LETMD1: variants seen among roughly 807,000 people sequenced by gnomAD.
The protein encoded by LETMD1 is LETM1 domain containing 1.
A neutral mutation model predicts 43.9 loss-of-function variants in LETMD1; 30 were observed. The observed-to-expected ratio is 0.68, with a 90% CI of 0.51 to 0.93. The LOEUF is 0.93. Ranked by LOEUF, LETMD1 falls within the 40% of genes least tolerant of loss-of-function variation. The pLI, the probability that LETMD1 is intolerant of heterozygous loss-of-function variation, is 0.00. For synonymous variants in LETMD1, 176 were observed against 163.1 expected, an observed-to-expected ratio of 1.08 and a Z score of -0.60; for missense variants, 413 against 447.7, an observed-to-expected ratio of 0.92 and a Z score of 0.70.
downstream of LETMD1, chr12:51,062,000 G>A (rs1948845952): frequency 1.3e-5 from 2 of 152,146 alleles, no homozygotes; most frequent in Admixed American, 6.6e-5. Flanking sequence ...GTGAGGCTAG[G>A]GGATGGGGAG....
chr12:51,057,171 G>T (rs1230385759), intron 7 of LETMD1, among the ~76,000 whole-genome samples: 1 of 152,106 alleles, frequency 6.6e-6, no homozygotes, highest in African/African-American at 2.4e-5. Context: ...CCAGGAGGTG[G>T]ATTGCAGTGA....
At chr12:51,048,866 T>C in intron 1 of LETMD1, 168 bp from the exon 2 acceptor site, 2 of 671,000 alleles carry the variant, frequency 3.0e-6, no homozygotes, top group South Asian at 4.1e-5. Flanking sequence ...GATTTGTGTT[T>C]CACAGTCTGA....
intron 1 of LETMD1, 94 bp downstream of exon 1, chr12:51,048,572 C>A: frequency 1.3e-6 from 2 of 1,489,526 alleles, no homozygotes; most frequent in Non-Finnish European, 1.8e-6. Flanking sequence ...TCTCAGAGTT[C>A]CACGCCTTGG....
chr12:51,048,702 C>T (rs1265300637), intron 1 of LETMD1: 14 of 627,094 alleles, frequency 2.2e-5, no homozygotes, highest in Middle Eastern at 4.4e-4. Context: ...GTGTCCTGAG[C>T]TCATCTTTCA....
In LETMD1 at chr12:51,049,073, G is replaced by A. The variant is rs1396130867; in HGVS notation, c.162G>A (p.Lys54=). 6.2e-7 allele frequency: 1 copy of A among 1,614,124 alleles called. No individual in the cohort carries two copies. Among genetic ancestry groups the A allele is most frequent in the Admixed American group, 1.7e-5 (1 of 59,990 alleles). Residue 54 remains lysine, a synonymous_variant, in exon 2 of 9, where the codon AAG becomes AAA. Transcript: ENST00000262055. ...KLHLSPKADV[K]NLMSYVVTKT... ...ACCTTTCTCCAAAGGCAGATGTGAA[G>A]AACTTGATGTCTTATGTGGTAACCA...
At chr12:51,049,294 ATATCT>A (rs760731840) in intron 2 of LETMD1, 109 bp downstream of exon 2, 2 of 921,440 alleles carry the variant, frequency 2.2e-6, no homozygotes, top group Non-Finnish European at 3.2e-6. Context: ...GTGAGCCGAG[ATATCT>A]TATATTTCAT....
At chr12:51,048,812 T>C in intron 1 of LETMD1, 1 of 599,586 alleles carries the variant, frequency 1.7e-6, no homozygotes, top group South Asian at 2.1e-5. Context: ...TTGCGCTCTC[T>C]CCAGAGGCAT....
In LETMD1 at chr12:51,059,559, C is replaced by A; in HGVS notation, c.*128C>A. The A allele has an allele frequency of 1.3e-6, 1 of 796,410 alleles. No individual in the cohort carries two copies. Among genetic ancestry groups the A allele is most frequent in the Non-Finnish European group, 2.2e-6 (1 of 463,152 alleles). The allele number at this position is 796,410 out of a possible 1,614,324, so 49.3% of individuals were successfully genotyped here. ...GGGAGGCAGAGAGAGGAGCAGGGGC[C>A]ATGGGCTTCACAGCATGGCACACAT... On this transcript the variant is annotated 3_prime_UTR_variant, in exon 9 of 9. Transcript: ENST00000262055.
chr12:51,052,782 A>G (rs1021271961), intron 3 of LETMD1, among the ~76,000 whole-genome samples: 1 of 151,112 alleles, frequency 6.6e-6, no homozygotes, highest in African/African-American at 2.4e-5. Context: ...CTCCATCTCA[A>G]AAAAAAATAA....
chr12:51,067,287 G>C, the LETMD1 span, among the ~76,000 whole-genome samples: 29 of 152,068 alleles, frequency 1.9e-4, no homozygotes, highest in African/African-American at 6.7e-4. This position sits in a 1 kb window ranked among gnomAD's most constrained non-coding sequence, Gnocchi z 4.1. Context: ...TCTGAGAAAT[G>C]AAACAAAAAA....
rs756246654 is a variant in LETMD1 at position 51,052,127 on chromosome 12, A to G, written c.310A>G (p.Arg104Gly). The G allele has an allele frequency of 1.9e-6, 3 of 1,614,106 alleles. No individual in the cohort carries two copies. The highest frequency in any genetic ancestry group is 2.2e-5 in the East Asian group (1 of 44,882). ...GTTATGGGCTGATGCCAAAAAGGCT[A>G]GAAGAATAAAGACAAATATGTGGAA... is the stretch of plus-strand genomic sequence containing the variant. ...QMLWADAKKA[R>G]RIKTNMWKHN... is the part of the protein sequence containing the mutation. Residue 104 changes from arginine (R) to glycine (G), a missense_variant, in exon 3 of 9, where the codon AGA (arginine) becomes GGA (glycine). By Grantham distance (125) the Arg-to-Gly change is moderately radical (BLOSUM62 -2). Coordinates refer to ENST00000262055, the MANE Select transcript of LETMD1 (RefSeq NM_015416.5).
Position 51,053,834 on chromosome 12 carries a change from T to G in LETMD1, c.447T>G (p.Phe149Leu), listed in dbSNP as rs932362219. 3 of 1,613,176 alleles carry G rather than the reference T, an allele frequency of 1.9e-6. No homozygotes were observed. Among genetic ancestry groups the G allele is most frequent in the Admixed American group, 1.7e-5 (1 of 59,948 alleles). Residue 149 changes from phenylalanine to leucine, a missense_variant, in exon 4 of 9, where the codon TTT becomes TTG. Physicochemically the swap from Phe to Leu is conservative, Grantham distance 22. Transcript: ENST00000262055. ...TAGGTATTATTTCCATTCCACCTTT[T>G]GCCAACTACCTGGTCTTCTTGCTAA... is the stretch of plus-strand genomic sequence containing the variant. ...LFLGIISIPP[F>L]ANYLVFLLMY... is the part of the protein sequence containing the mutation.
At chr12:51,064,672 G>A (rs148790966), downstream of LETMD1, 638 of 1,509,254 alleles carry the variant, frequency 4.2e-4, 5 homozygotes, top group East Asian at 0.012. Flanking sequence ...CGATCCACCT[G>A]AGCGGGGACA....
Position 51,056,188 on chromosome 12 carries a change from GAGA to G in LETMD1, c.706_708del (p.Arg236del), listed in dbSNP as rs1947670093. 6.2e-7 allele frequency: 1 copy of G among 1,614,260 alleles called. No homozygotes were observed. Among genetic ancestry groups the G allele is most frequent in the Non-Finnish European group, 8.5e-7 (1 of 1,180,050 alleles). On this transcript the variant is annotated inframe_deletion, in exon 6 of 9. Transcript: ENST00000262055. ...CAGCAATACATGATATCTTGGCTCT[GAGA>G]GAGTGTTTCTCTAACCATCCTCTGG... is the stretch of plus-strand genomic sequence containing the variant.
chr12:51,049,878 C>A (rs1252561267), intron 2 of LETMD1, among the ~76,000 whole-genome samples: 2 of 152,206 alleles, frequency 1.3e-5, no homozygotes, highest in African/African-American at 4.8e-5. Context: ...AGGTCCTGAT[C>A]CCTAGTAAGT....
chr12:51,055,099 C>CA lies in LETMD1; in HGVS notation c.474-726dup, dbSNP rs1041813906. 3.7e-3 allele frequency among the ~76,000 whole-genome samples: 531 copies of CA among 144,370 alleles called. 1 individual carries two copies. The highest frequency in any genetic ancestry group is 0.012 in the African/African-American group (477 of 39,174). 94.7% of individuals were successfully genotyped at this position (144,370 alleles called of 152,430 possible). A position where few individuals can be genotyped will look rare whatever the true frequency, so the allele number is the denominator to read the frequency against. The stretch of plus-strand genomic sequence containing the variant: ...TGGGTGACAGAGCGAGACTCTGTCT[C>CA]AAAAAAAAAACAACAAATCAGTTGC... On this transcript the variant is annotated intron_variant, in intron 4 of 8. Transcript: ENST00000262055.
At chr12:51,063,796 C>A, downstream of LETMD1, 1 of 1,600,120 alleles carries the variant, frequency 6.2e-7, no homozygotes, top group Non-Finnish European at 8.5e-7. Context: ...GGCCGATCCT[C>A]ATTCTGCTGG....
intron 7 of LETMD1, chr12:51,057,736 C>T (rs908590591): frequency 2.7e-6 from 1 of 375,964 alleles, no homozygotes; most frequent in Non-Finnish European, 5.1e-6. Context: ...AGTGATTCTC[C>T]TGCCTCAGCC....
chr12:51,054,857 T>C (rs933806882), intron 4 of LETMD1, among the ~76,000 whole-genome samples: 13 of 152,248 alleles, frequency 8.5e-5, no homozygotes, highest in Non-Finnish European at 1.6e-4. Flanking sequence ...TCCCAGCACT[T>C]TGGGAGGCCG....
Sources: gnomAD v4.1 joint callset for allele counts (sites outside exome capture counted in the v4.1 genomes callset) on GRCh38, gnomAD v4.1.1 for gene constraint, Gnocchi (gnomAD v3.1) non-coding constraint, MANE v1.5 for transcripts, NCBI Gene and HGNC (gene_info 2026-07-23, HGNC 2026-07-21) for gene names.